HIBADH: variants seen among roughly 807,000 people sequenced by gnomAD.
The protein encoded by HIBADH is 3-hydroxyisobutyrate dehydrogenase, mitochondrial.
HIBADH carries 25 observed loss-of-function variants against 36.1 expected under a neutral mutation model. The ratio of observed to expected loss-of-function variants is 0.69; its 90% CI spans 0.50 to 0.97. The LOEUF (loss-of-function observed/expected upper bound fraction) is 0.97. Among genes scored for constraint, HIBADH ranks in the 50% least tolerant of loss-of-function variants. The pLI is 0.00. For synonymous variants in HIBADH, 160 were observed against 149.5 expected, an observed-to-expected ratio of 1.07 and a Z score of -0.51; for missense variants, 421 against 418.0, an observed-to-expected ratio of 1.01 and a Z score of -0.06.
chr7:27,599,777 G>T (rs1785095572), intron 4 of HIBADH, among the ~76,000 whole-genome samples: 1 of 147,420 alleles, frequency 6.8e-6, no homozygotes, highest in African/African-American at 2.5e-5. Flanking sequence ...AAAACATTCA[G>T]TTTTTTTTTA....
At chr7:27,615,762 A>G (rs1302849762) in intron 4 of HIBADH, among the ~76,000 whole-genome samples, 1 of 152,226 alleles carries the variant, frequency 6.6e-6, no homozygotes, top group Non-Finnish European at 1.5e-5. Context: ...ATATTTTTAG[A>G]GTAAATAGAG....
intron 4 of HIBADH, among the ~76,000 whole-genome samples, chr7:27,613,783 C>G (rs1426477974): frequency 1.3e-5 from 2 of 151,754 alleles, no homozygotes; most frequent in Non-Finnish European, 2.9e-5. Context: ...CTCAGCCTCC[C>G]GAGTAGCTGG....
At chr7:27,588,247 T>A (rs1784891261) in intron 4 of HIBADH, among the ~76,000 whole-genome samples, 1 of 152,232 alleles carries the variant, frequency 6.6e-6, no homozygotes. Flanking sequence ...CTTCATTTGC[T>A]AAGTGAACTT....
intron 4 of HIBADH, among the ~76,000 whole-genome samples, chr7:27,569,369 A>G (rs1230749648): frequency 1.3e-5 from 2 of 152,068 alleles, no homozygotes; most frequent in African/African-American, 2.4e-5. Context: ...TGTGTCAAGT[A>G]ATTTTGTATC....
chr7:27,594,595 A>G (rs1167170762), intron 4 of HIBADH, among the ~76,000 whole-genome samples: 1 of 152,236 alleles, frequency 6.6e-6, no homozygotes, highest in Non-Finnish European at 1.5e-5. Context: ...AATATTAACA[A>G]TGTTTTGGGA....
chr7:27,629,009 T>C (rs1394655197), intron 4 of HIBADH, among the ~76,000 whole-genome samples: 1 of 152,066 alleles, frequency 6.6e-6, no homozygotes, highest in African/African-American at 2.4e-5. Flanking sequence ...GAAACAATTG[T>C]TTTTCTTTTT....
At chr7:27,636,607 C>T (rs569589379) in intron 2 of HIBADH, among the ~76,000 whole-genome samples, 1 of 152,222 alleles carries the variant, frequency 6.6e-6, no homozygotes, top group East Asian at 1.9e-4. Context: ...AAATGGTTTC[C>T]AAGTTTTTAA....
At chr7:27,600,765 TCTAAG>T (rs911248589) in intron 4 of HIBADH, among the ~76,000 whole-genome samples, 1 of 152,162 alleles carries the variant, frequency 6.6e-6, no homozygotes, top group Non-Finnish European at 1.5e-5. Flanking sequence ...TCTTTAGTGC[TCTAAG>T]CTATAGTAAC....
At chr7:27,543,447 A>C (rs1169056658) in intron 4 of HIBADH, among the ~76,000 whole-genome samples, 4 of 152,150 alleles carry the variant, frequency 2.6e-5, no homozygotes, top group Non-Finnish European at 5.9e-5. Context: ...TAAGTTATAG[A>C]AAGTATACAA....
intron 4 of HIBADH, among the ~76,000 whole-genome samples, chr7:27,602,383 T>C (rs1307873979): frequency 6.6e-6 from 1 of 152,176 alleles, no homozygotes; most frequent in African/African-American, 2.4e-5. Context: ...ATTTTCACAC[T>C]TTCCACTCCG....
intron 4 of HIBADH, among the ~76,000 whole-genome samples, chr7:27,544,122 G>C (rs1455681301): frequency 6.6e-6 from 1 of 152,146 alleles, no homozygotes; most frequent in African/African-American, 2.4e-5. Flanking sequence ...TCTGTAGTAT[G>C]TATCAAATCT....
chr7:27,645,381 T>TTTGTTTGTTTTGTTTTTG (rs1786048023), intron 2 of HIBADH, among the ~76,000 whole-genome samples: 1 of 129,394 alleles, frequency 7.7e-6, no homozygotes, highest in African/African-American at 3.1e-5. Flanking sequence ...TTTTTTTTTT[T>TTTGTTTGTTTTGTTTTTG]TTTTTTTTTT....
chr7:27,612,941 CA>C (rs1195210555), intron 4 of HIBADH, among the ~76,000 whole-genome samples: 5 of 134,104 alleles, frequency 3.7e-5, no homozygotes, highest in Admixed American at 1.6e-4. Context: ...AGACCATCTC[CA>C]AAAAAATATA....
chr7:27,608,977 G>A (rs1241123156), intron 4 of HIBADH, among the ~76,000 whole-genome samples: 2 of 152,210 alleles, frequency 1.3e-5, no homozygotes, highest in Non-Finnish European at 2.9e-5. Flanking sequence ...AACAGCTGGT[G>A]TCATGGTTAC....
intron 4 of HIBADH, among the ~76,000 whole-genome samples, chr7:27,616,467 G>T (rs772360517): frequency 1.3e-5 from 2 of 152,012 alleles, no homozygotes; most frequent in Admixed American, 1.3e-4. Flanking sequence ...TGTTTTTTTT[G>T]TTTGTTTGTT....
At chr7:27,576,267 C>T (rs1030062422) in intron 4 of HIBADH, among the ~76,000 whole-genome samples, 5 of 152,050 alleles carry the variant, frequency 3.3e-5, no homozygotes, top group East Asian at 1.9e-4. Context: ...GATGTGGAGG[C>T]GGTAACAAGG....
At chr7:27,549,869 A>G (rs1432806497) in intron 4 of HIBADH, among the ~76,000 whole-genome samples, 3 of 152,196 alleles carry the variant, frequency 2.0e-5, no homozygotes, top group African/African-American at 7.2e-5. Context: ...GAAAATAACC[A>G]GTAACTGAAA....
intron 4 of HIBADH, among the ~76,000 whole-genome samples, chr7:27,606,586 ATGGCTT>A (rs1785232980): frequency 6.6e-6 from 1 of 152,240 alleles, no homozygotes; most frequent in Admixed American, 6.5e-5. Flanking sequence ...TTTTCATTTA[ATGGCTT>A]TGGCCAAGAG....
chr7:27,529,550 G>A (rs754239263), intron 7 of HIBADH, among the ~76,000 whole-genome samples: 12 of 152,200 alleles, frequency 7.9e-5, no homozygotes, highest in Non-Finnish European at 1.5e-4. Context: ...ATTAGAAGTG[G>A]AGCCTGCAGA....
Sources: gnomAD v4.1 joint callset for allele counts (sites outside exome capture counted in the v4.1 genomes callset) on GRCh38, gnomAD v4.1.1 for gene constraint, MANE v1.5 for transcripts, NCBI Gene and HGNC (gene_info 2026-07-23, HGNC 2026-07-21) for gene names.